Variants in DACH1 observed in about 807,000 individuals in gnomAD.
DACH1 encodes the protein dachshund homolog 1.
In DACH1, 12 loss-of-function variants were observed where a neutral mutation model predicts 54.2. That is an observed-to-expected ratio of 0.22 (90% CI 0.14 to 0.36). DACH1 has a LOEUF of 0.36. DACH1 is among the 10% of genes least tolerant of loss of function. The pLI, the probability that DACH1 is intolerant of heterozygous loss-of-function variation, is 1.00. For missense variants in DACH1, 805 were observed against 929.8 expected (o/e 0.87, Z 1.75); for synonymous variants, 386 against 366.2 (o/e 1.05, Z -0.62).
chr13:71,815,649 A>G (rs1387372016), intron 1 of DACH1, among the ~76,000 whole-genome samples: 1 of 152,238 alleles, frequency 6.6e-6, no homozygotes, highest in African/African-American at 2.4e-5. Flanking sequence ...ACAGTTTAAC[A>G]ATTTCCCAAG....
chr13:71,866,600 G>T lies in DACH1; in HGVS notation c.170C>A (p.Pro57Gln). The T allele has an allele frequency of 7.6e-7, 1 of 1,316,030 alleles. No homozygotes were observed. Among genetic ancestry groups the T allele is most frequent in the Non-Finnish European group, 9.7e-7 (1 of 1,029,326 alleles). 81.5% of individuals were successfully genotyped at this position (1,316,030 alleles called of 1,614,324 possible). A position where few individuals can be genotyped will look rare whatever the true frequency, so the allele number is the denominator to read the frequency against. Residue 57 changes from proline (P) to glutamine (Q), a missense_variant, in exon 1 of 11, where the codon CCG becomes CAG. This residue lies in a region of DACH1 where 305 missense variants were observed against 308.7 expected (regional missense o/e 0.99). Coordinates refer to ENST00000613252, the MANE Select transcript of DACH1 (RefSeq NM_080759.6). The part of the protein sequence containing the change: ...PASSGPTLFR[P>Q]EPIASAAAAA... ...CGCCGCCGCCGAAGCGATGGGCTCC[G>T]GGCGGAACAGAGTTGGCCCAGAGGA... is the stretch of plus-strand genomic sequence containing the variant.
intron 6 of DACH1, among the ~76,000 whole-genome samples, chr13:71,550,782 A>G (rs1443606745): frequency 1.3e-5 from 2 of 152,160 alleles, no homozygotes; most frequent in African/African-American, 2.4e-5. Context: ...ATAATCACAG[A>G]ACTAAAAGTG....
chr13:71,464,103 A>G (rs1876341609), intron 10 of DACH1, among the ~76,000 whole-genome samples: 1 of 152,008 alleles, frequency 6.6e-6, no homozygotes, highest in Non-Finnish European at 1.5e-5. Context: ...ACCAGCTAAA[A>G]TATTTTCAAC....
intron 1 of DACH1, among the ~76,000 whole-genome samples, chr13:71,804,945 AGTATT>A (rs765854406): frequency 6.6e-6 from 1 of 152,294 alleles, no homozygotes; most frequent in East Asian, 1.9e-4. Context: ...CACAGAACAC[AGTATT>A]GTACCCTTCA....
chr13:71,573,600 G>A, intron 3 of DACH1: 1 of 488,328 alleles, frequency 2.0e-6, no homozygotes, highest in South Asian at 3.9e-5. Flanking sequence ...TAAATTACTT[G>A]GATATAATAT....
At chr13:71,762,386 G>A (rs1247783563) in intron 1 of DACH1, among the ~76,000 whole-genome samples, 2 of 152,132 alleles carry the variant, frequency 1.3e-5, no homozygotes, top group African/African-American at 2.4e-5. Context: ...CTGAACAAAT[G>A]AGTGAGCAAG....
intron 3 of DACH1, among the ~76,000 whole-genome samples, chr13:71,595,204 T>C (rs1442119561): frequency 6.6e-6 from 1 of 151,822 alleles, no homozygotes. Flanking sequence ...ATTAGAGCAA[T>C]GTTAAGGAGC....
At position 71,664,601 on chromosome 13, in the gene DACH1, G is replaced by A. The variant is rs144520327; in HGVS notation, c.964+17194C>T. Among the ~76,000 whole-genome samples the A allele has an allele frequency of 4.9e-3, 738 of 152,034 alleles. 5 individuals carry two copies. The highest frequency in any genetic ancestry group is 0.017 in the African/African-American group (694 of 41,526). On this transcript the variant is annotated intron_variant, in intron 2 of 10. Coordinates refer to ENST00000613252, the MANE Select transcript of DACH1 (RefSeq NM_080759.6). ...TGCTTTAAAATGATGGGAGTTGGCT[G>A]TAGTATATTTATAAATAACTGGTGT...
chr13:71,830,551 CAA>C lies in DACH1; in HGVS notation c.848+35369_848+35370del, dbSNP rs146086315. On this transcript the variant is annotated intron_variant, in intron 1 of 10. Transcript: ENST00000613252. ...TAAGCATATATAAATGAGGAAGAGA[CAA>C]AGAGAAATTGACAAGTGGAAAATAA... Among the ~76,000 whole-genome samples, 125 of 151,818 alleles carry C rather than the reference CAA, an allele frequency of 8.2e-4. 1 individual carries two copies. The highest frequency in any genetic ancestry group is 2.7e-3 in the African/African-American group (114 of 41,472).
At chr13:71,740,912 C>G (rs1035286491) in intron 1 of DACH1, among the ~76,000 whole-genome samples, 2 of 152,002 alleles carry the variant, frequency 1.3e-5, no homozygotes, top group African/African-American at 4.8e-5. Context: ...AGCCATCTAC[C>G]TACCTTTTAG....
intron 10 of DACH1, among the ~76,000 whole-genome samples, chr13:71,447,141 C>T (rs745558577): frequency 7.2e-5 from 11 of 152,100 alleles, no homozygotes; most frequent in Admixed American, 1.3e-4. Context: ...GTTTATTGTG[C>T]GTGTGAATTT....
chr13:71,818,951 A>G (rs1346608374), intron 1 of DACH1, among the ~76,000 whole-genome samples: 2 of 152,218 alleles, frequency 1.3e-5, no homozygotes, highest in East Asian at 1.9e-4. Context: ...CAAGGTCTCT[A>G]TAGAGAACAC....
intron 3 of DACH1, among the ~76,000 whole-genome samples, chr13:71,588,661 T>G (rs1214947565): frequency 6.6e-6 from 1 of 152,074 alleles, no homozygotes; most frequent in Non-Finnish European, 1.5e-5. Flanking sequence ...AGAAACAATT[T>G]TTTGTAAAAA....
At chr13:71,523,392 G>C (rs918628981) in intron 6 of DACH1, among the ~76,000 whole-genome samples, 1 of 152,226 alleles carries the variant, frequency 6.6e-6, no homozygotes. Context: ...GCTGCTAAAA[G>C]GGGCAGTCAA....
At chr13:71,728,854 A>G (rs1660224521) in intron 1 of DACH1, among the ~76,000 whole-genome samples, 1 of 152,010 alleles carries the variant, frequency 6.6e-6, no homozygotes, top group South Asian at 2.1e-4. Flanking sequence ...CCTATTCTAT[A>G]ATAATAATGC....
At chr13:71,559,028 A>AAT (rs1884428140) in intron 5 of DACH1, among the ~76,000 whole-genome samples, 1 of 152,158 alleles carries the variant, frequency 6.6e-6, no homozygotes, top group African/African-American at 2.4e-5. Context: ...GGGAATAAGC[A>AAT]ATATATATAG....
At chr13:71,691,850 C>G (rs569114260) in intron 1 of DACH1, among the ~76,000 whole-genome samples, 7 of 152,070 alleles carry the variant, frequency 4.6e-5, no homozygotes, top group Non-Finnish European at 1.0e-4. Flanking sequence ...TACACTAAAC[C>G]GTGTTAAATA....
intron 1 of DACH1, among the ~76,000 whole-genome samples, chr13:71,854,273 G>A (rs987498785): frequency 6.6e-6 from 1 of 151,668 alleles, no homozygotes; most frequent in African/African-American, 2.4e-5. Flanking sequence ...AAATTTCATG[G>A]TAAAATGTTT....
At chr13:71,679,640 C>A (rs1880776902) in intron 2 of DACH1, among the ~76,000 whole-genome samples, 1 of 151,890 alleles carries the variant, frequency 6.6e-6, no homozygotes, top group Non-Finnish European at 1.5e-5. Flanking sequence ...AATTATGTCA[C>A]AAAGACTCTG....
Sources: allele counts gnomAD v4.1 joint callset (sites outside exome capture counted in the v4.1 genomes callset), GRCh38; gene constraint gnomAD v4.1.1; regional missense constraint gnomAD v4.1.1; transcripts MANE v1.5; gene names NCBI Gene and HGNC (gene_info 2026-07-23, HGNC 2026-07-21).